The following AHNAK variants were observed in gnomAD, a reference collection of about 807,000 sequenced individuals.
The protein encoded by AHNAK is AHNAK nucleoprotein.
AHNAK carries 23 observed loss-of-function variants against 37.8 expected under a neutral mutation model. The observed-to-expected ratio is 0.61, with a 90% CI of 0.44 to 0.86. The LOEUF (loss-of-function observed/expected upper bound fraction) is 0.86, where lower values mean the gene tolerates loss of function less well. Ranked by LOEUF, AHNAK falls within the 40% of genes least tolerant of loss-of-function variation. The probability of loss-of-function intolerance (pLI) is 0.00; values close to 1 mark genes in which losing one functional copy is unlikely to be tolerated. For missense variants in AHNAK, 7,411 were observed against 7,319.4 expected (o/e 1.01, Z -0.46); for synonymous variants, 2,481 against 2,636.3 (o/e 0.94, Z 1.80).
rs1313507027 is a variant in AHNAK, at chr11:62,532,059, A to T, written c.2358T>A (p.Asp786Glu). 1 of 1,612,220 alleles carries T rather than the reference A, an allele frequency of 6.2e-7. No homozygotes were observed. ...CAATGCTCACATCAGGAGCAGTAACATCTATCTTGGGCCCGGAAATGTCCA... is the reference window on the plus strand; with the variant it reads ...CAATGCTCACATCAGGAGCAGTAACTTCTATCTTGGGCCCGGAAATGTCCA... ...ADVDISGPKI[D>E]VTAPDVSIEE... Residue 786 changes from aspartate (D) to glutamate (E), a missense_variant, in exon 5 of 5, where the codon GAT becomes GAA. Coordinates refer to ENST00000378024, the MANE Select transcript of AHNAK (RefSeq NM_001620.3).
intron 1 of AHNAK, among the ~76,000 whole-genome samples, chr11:62,540,885 G>A (rs1268720866): frequency 6.6e-6 from 1 of 152,200 alleles, no homozygotes; most frequent in Non-Finnish European, 1.5e-5. Context: ...GTGCCGAGCA[G>A]CAGGGCTCTG....
rs1590661239 is a variant in AHNAK, at chr11:62,524,297, T to C, written c.10120A>G (p.Lys3374Glu). The part of the protein sequence containing the change: ...VQTPEVDVKG[K>E]KPDIDITGPK... Reference sequence around the variant, plus strand: ...CCTGTTATGTCAATATCTGGCTTTTTACCTTTGACATCCACTTCAGGTGTC... The same window carrying C: ...CCTGTTATGTCAATATCTGGCTTTTCACCTTTGACATCCACTTCAGGTGTC... The change falls in exon 5 of 5, where the codon AAA becomes GAA. Residue 3374 changes from lysine to glutamate, a missense_variant. Coordinates refer to ENST00000378024, the MANE Select transcript of AHNAK (RefSeq NM_001620.3). The C allele has an allele frequency of 1.2e-6, 2 of 1,613,966 alleles. No individual in the cohort carries two copies. Among genetic ancestry groups the C allele is most frequent in the Non-Finnish European group, 1.7e-6 (2 of 1,179,992 alleles).
In AHNAK at chr11:62,521,614, C is replaced by G. The variant is rs775430900; in HGVS notation, c.12803G>C (p.Gly4268Ala). Residue 4268 changes from glycine to alanine, a missense_variant, in exon 5 of 5, where the codon GGT becomes GCT. Transcript: ENST00000378024. ...ATCCACATCACCCTTCACCTTGGGA[C>G]CTTTCAGATGCAAATCAAAGTCAGG... is the stretch of plus-strand genomic sequence containing the variant. ...SMPDFDLHLKGPKVKGDVDVS... is the reference protein window; with the variant it reads ...SMPDFDLHLKAPKVKGDVDVS... The G allele has an allele frequency of 6.2e-7, 1 of 1,612,738 alleles. No homozygotes were observed. Among genetic ancestry groups the G allele is most frequent in the African/African-American group, 1.3e-5 (1 of 74,480 alleles).
chr11:62,535,647 T>TAAA (rs1260048475), intron 3 of AHNAK, among the ~76,000 whole-genome samples: 11 of 126,916 alleles, frequency 8.7e-5, no homozygotes, highest in African/African-American at 3.2e-4. Flanking sequence ...AAACTCCATC[T>TAAA]AAAAAAAAAA....
intron 4 of AHNAK, among the ~76,000 whole-genome samples, chr11:62,495,584 A>AAAG (rs916432403): frequency 6.6e-6 from 1 of 151,492 alleles, no homozygotes; most frequent in African/African-American, 2.4e-5. Flanking sequence ...TACAAAAAAA[A>AAAG]AAACATTAGC....
chr11:62,531,103 C>T lies in AHNAK; in HGVS notation c.3314G>A (p.Gly1105Asp), dbSNP rs558390775. The T allele has an allele frequency of 1.7e-4, 275 of 1,614,084 alleles. 2 individuals are homozygous for T. The South Asian group carries it at 2.8e-3, about 17-fold the overall frequency. ...EMQVPDVDIR[G>D]PKVDIKAPDV... is the part of the protein sequence containing the mutation. ...TGGTGCTTTAATATCTACCTTGGGA[C>T]CTCTGATGTCCACATCTGGAACCTG... The change falls in exon 5 of 5, where the codon GGT becomes GAT. Residue 1105 changes from glycine to aspartate, a missense_variant. Transcript: ENST00000378024.
chr11:62,490,634 G>C (rs1939489896), intron 5 of AHNAK, among the ~76,000 whole-genome samples: 1 of 152,048 alleles, frequency 6.6e-6, no homozygotes, highest in African/African-American at 2.4e-5. Context: ...GAGGAAGGAG[G>C]GTCCACAGGA....
rs71056521 is a variant in AHNAK, at chr11:62,461,143, CTTT to C, written c.443-27255_443-27253del. On this transcript the variant is annotated intron_variant, in intron 5 of 5. Transcript: ENST00000257247. ...GGCCACCACGCCCGGCCAAATTCCCCTTTTTTTTTTTTTTTTTTTTTGAGACAG... is the reference window on the plus strand; with the variant it reads ...GGCCACCACGCCCGGCCAAATTCCCCTTTTTTTTTTTTTTTTTTGAGACAG... 2.0e-4 allele frequency among the ~76,000 whole-genome samples: 16 copies of C among 79,836 alleles called. No homozygotes were observed. In the East Asian group the frequency reaches 4.7e-3, roughly 23 times the overall value. The allele number at this position is 79,836 out of a possible 152,430, so 52.4% of individuals were successfully genotyped here. A position where few individuals can be genotyped will look rare whatever the true frequency, so the allele number is the denominator to read the frequency against.
At position 62,531,851 on chromosome 11, in the gene AHNAK, T is replaced by A. The variant is rs747732922; in HGVS notation, c.2566A>T (p.Ser856Cys). The change falls in exon 5 of 5, where the codon AGT becomes TGT. Residue 856 changes from serine to cysteine, a missense_variant. Physicochemically the swap from Ser to Cys is moderately radical, Grantham distance 112. Coordinates refer to ENST00000378024, the MANE Select transcript of AHNAK (RefSeq NM_001620.3). ...GGGACATCAATGTCCATTTTGGCAC[T>A]TTTAAGTTCAACATCAGGAACTTTA... Reference protein sequence around the residue: ...EIKVPDVELKSAKMDIDVPDV... With the variant: ...EIKVPDVELKCAKMDIDVPDV... 1.2e-6 allele frequency: 2 copies of A among 1,613,422 alleles called. No individual in the cohort carries two copies. Among genetic ancestry groups the A allele is most frequent in the Admixed American group, 3.3e-5 (2 of 59,952 alleles).
chr11:62,543,881 C>T lies in AHNAK; in HGVS notation c.-100+2779G>A, dbSNP rs557873143. Among the ~76,000 whole-genome samples, 10 of 152,362 alleles carry T rather than the reference C, an allele frequency of 6.6e-5. No homozygotes were observed. In the South Asian group the frequency reaches 2.1e-3, roughly 32 times the overall value. ...TGCACAGCACGGTGCCAGCCCAGCT[C>T]CGGGGAGAGAAACTTTGGGGCCTCG... is the stretch of plus-strand genomic sequence containing the variant. On this transcript the variant is annotated intron_variant, in intron 1 of 4. Transcript: ENST00000378024.
Position 62,529,036 on chromosome 11 carries a change from T to G in AHNAK, c.5381A>C (p.Lys1794Thr), listed in dbSNP as rs143414251. The stretch of plus-strand genomic sequence containing the variant: ...AGAAGCATCTATCTCTCCCTTCAGT[T>G]TGGGTCCCTTCAAATTCAAGTCCAC... ...PDVDLNLKGP[K>T]LKGEIDASVP... The change falls in exon 5 of 5, where the codon AAA becomes ACA. Residue 1794 changes from lysine to threonine, a missense_variant. Coordinates refer to ENST00000378024, the MANE Select transcript of AHNAK (RefSeq NM_001620.3). 9.3e-6 allele frequency: 15 copies of G among 1,614,206 alleles called. No individual in the cohort carries two copies. The African/African-American group carries it at 1.9e-4, about 20-fold the overall frequency.
chr11:62,465,101 G>A (rs551506685), intron 5 of AHNAK, among the ~76,000 whole-genome samples: 2 of 152,126 alleles, frequency 1.3e-5, no homozygotes, highest in South Asian at 4.2e-4. Flanking sequence ...AGATGTTGGA[G>A]AGCCCCAAGT....
In AHNAK at chr11:62,522,907, C is replaced by A; in HGVS notation, c.11510G>T (p.Gly3837Val). The change falls in exon 5 of 5, where the codon GGA (glycine) becomes GTA (valine). Residue 3837 changes from glycine to valine, a missense_variant. Transcript: ENST00000378024. ...TGGAACATCAATGTCCACCTTGGGT[C>A]CTGAGACATCAAGGTCAGCCTTGGG... ...NLPKADLDVS[G>V]PKVDIDVPDV... 6.2e-7 allele frequency: 1 copy of A among 1,613,336 alleles called. No individual in the cohort carries two copies.
chr11:62,537,777 G>C lies in AHNAK; in HGVS notation c.-99-1210C>G, dbSNP rs190519993. On this transcript the variant is annotated intron_variant, in intron 1 of 4. Transcript: ENST00000378024. ...AGCTCACTGCAACCTCCCCCTCCCA[G>C]GTTCAAGCAATTCTCCTGCCTCAGC... Among the ~76,000 whole-genome samples, 695 of 151,790 alleles carry C rather than the reference G, an allele frequency of 4.6e-3. 5 individuals carry two copies. The highest frequency in any genetic ancestry group is 8.0e-3 in the Admixed American group (122 of 15,262).
At chr11:62,475,907 A>G (rs1212440253) in intron 5 of AHNAK, among the ~76,000 whole-genome samples, 3 of 152,122 alleles carry the variant, frequency 2.0e-5, no homozygotes, top group Non-Finnish European at 4.4e-5. Context: ...CCCCGGCTAT[A>G]TATCACTTGA....
chr11:62,499,275 G>A (rs540183990), intron 4 of AHNAK, among the ~76,000 whole-genome samples: 34 of 152,264 alleles, frequency 2.2e-4, no homozygotes, highest in African/African-American at 5.1e-4. Context: ...CCTGCCAGGC[G>A]CAGTGGCTTA....
rs76940910 is a variant in AHNAK at position 62,482,576 on chromosome 11, C to T, written c.442+9156G>A. On this transcript the variant is annotated intron_variant, in intron 5 of 5. Coordinates refer to the AHNAK transcript ENST00000257247. ...ATCGGGATATAATTGCACCTACTCACGAGAGCTACCGTGAGGATGAAATAA... is the reference window on the plus strand; with the variant it reads ...ATCGGGATATAATTGCACCTACTCATGAGAGCTACCGTGAGGATGAAATAA... Among the ~76,000 whole-genome samples, 1,094 of 152,264 alleles carry T rather than the reference C, an allele frequency of 7.2e-3. 2 individuals carry two copies. Among genetic ancestry groups the T allele is most frequent in the Non-Finnish European group, 0.013 (863 of 68,036 alleles).
At position 62,516,613 on chromosome 11, in the gene AHNAK, G is replaced by A. The variant is rs541194488; in HGVS notation, c.*131C>T. On this transcript the variant is annotated 3_prime_UTR_variant, in exon 5 of 5. Transcript: ENST00000378024. The stretch of plus-strand genomic sequence containing the variant: ...GGTCGGTTTTTCAGCGCTTGCCACC[G>A]GGCCAGGCAAGGTCTTTGCATGATT... 2.4e-5 allele frequency: 35 copies of A among 1,483,310 alleles called. No homozygotes were observed. Among genetic ancestry groups the A allele is most frequent in the African/African-American group, 8.4e-5 (6 of 71,424 alleles). 91.9% of individuals were successfully genotyped at this position (1,483,310 alleles called of 1,614,324 possible).
Position 62,518,945 on chromosome 11 carries a change from C to T in AHNAK, c.15472G>A (p.Asp5158Asn). ...GCCTGCACTTTGGGGCCTTTCAGGT[C>T]ACCCTCTATTTTTGGCACTGAGATG... ...VDISVPKIEG[D>N]LKGPKVQANL... The change falls in exon 5 of 5, where the codon GAC (aspartate) becomes AAC (asparagine). Residue 5158 changes from aspartate to asparagine, a missense_variant. Asp to Asn is a conservative substitution (Grantham distance 23, BLOSUM62 1). Coordinates refer to ENST00000378024, the MANE Select transcript of AHNAK (RefSeq NM_001620.3). 6.2e-7 allele frequency: 1 copy of T among 1,614,136 alleles called. No individual in the cohort carries two copies. The highest frequency in any genetic ancestry group is 8.5e-7 in the Non-Finnish European group (1 of 1,180,028).
Sources: gnomAD v4.1 joint callset for allele counts (sites outside exome capture counted in the v4.1 genomes callset) on GRCh38, gnomAD v4.1.1 for gene constraint, MANE v1.5 for transcripts, NCBI Gene and HGNC (gene_info 2026-07-23, HGNC 2026-07-21) for gene names.